OSBPL6: variants seen among roughly 807,000 people sequenced by gnomAD.
OSBPL6 encodes the protein oxysterol-binding protein-related protein 6.
Under a neutral mutation model 125.8 loss-of-function variants are expected in OSBPL6, and 49 were observed. That is an observed-to-expected ratio of 0.39 (90% CI 0.31 to 0.49). The LOEUF (loss-of-function observed/expected upper bound fraction) is 0.49. Ranked by LOEUF, OSBPL6 falls within the 20% of genes least tolerant of loss-of-function variation. OSBPL6 has a pLI of 0.88. For missense variants in OSBPL6, 986 were observed against 1,135.4 expected, an observed-to-expected ratio of 0.87 and a Z score of 1.89; for synonymous variants, 394 against 391.8, an observed-to-expected ratio of 1.01 and a Z score of -0.07.
intron 2 of OSBPL6, among the ~76,000 whole-genome samples, chr2:178,300,152 C>T (rs991731661): frequency 2.6e-5 from 4 of 152,116 alleles, no homozygotes; most frequent in African/African-American, 9.7e-5. Flanking sequence ...TATGACAAAC[C>T]TTATCTTCAC....
chr2:178,296,910 G>T (rs1340326941), intron 2 of OSBPL6, among the ~76,000 whole-genome samples: 15 of 152,154 alleles, frequency 9.9e-5, no homozygotes, highest in Admixed American at 9.8e-4. Context: ...TGATATGTGG[G>T]TAATGGCTTG....
chr2:178,317,250 G>A (rs1159105209), intron 3 of OSBPL6, among the ~76,000 whole-genome samples: 4 of 150,956 alleles, frequency 2.6e-5, no homozygotes, highest in East Asian at 1.9e-4. Flanking sequence ...ACCCTACCTC[G>A]ATAAGAATAA....
intron 1 of OSBPL6, among the ~76,000 whole-genome samples, chr2:178,211,195 G>A (rs1052692786): frequency 2.0e-5 from 3 of 152,138 alleles, no homozygotes; most frequent in Admixed American, 6.5e-5. Context: ...TGCTTGAGCC[G>A]AGAGTTTGAG....
intron 1 of OSBPL6, among the ~76,000 whole-genome samples, chr2:178,233,423 C>T (rs1327733727): frequency 1.3e-5 from 2 of 152,188 alleles, no homozygotes; most frequent in Non-Finnish European, 2.9e-5. Context: ...TCTGTGTTTG[C>T]TGAGGCTTCT....
chr2:178,313,859 G>A (rs1447830440), intron 3 of OSBPL6, among the ~76,000 whole-genome samples: 1 of 152,154 alleles, frequency 6.6e-6, no homozygotes, highest in Non-Finnish European at 1.5e-5. Context: ...TGTAACCATG[G>A]GATAGTGGCA....
intron 1 of OSBPL6, among the ~76,000 whole-genome samples, chr2:178,201,842 GCCTGACAGTGTTCCCATGA>G (rs1235921710): frequency 6.6e-6 from 1 of 152,216 alleles, no homozygotes; most frequent in Non-Finnish European, 1.5e-5. Context: ...TGAGAAGTGT[GCCTGACAGTGTTCCCATGA>G]CCATTCTTAC....
intron 1 of OSBPL6, among the ~76,000 whole-genome samples, chr2:178,269,062 G>C (rs976547736): frequency 6.6e-6 from 1 of 152,156 alleles, no homozygotes; most frequent in Non-Finnish European, 1.5e-5. Flanking sequence ...TTGTTCTCCT[G>C]TGTGTCAGTA....
At chr2:178,242,463 C>T (rs906941413) in intron 1 of OSBPL6, among the ~76,000 whole-genome samples, 4 of 152,150 alleles carry the variant, frequency 2.6e-5, no homozygotes, top group African/African-American at 9.7e-5. Context: ...ATGTGGATGA[C>T]GTCATCTTTG....
chr2:178,402,401 A>G lies in OSBPL6; in HGVS notation c.*6842A>G, dbSNP rs973349468. On this transcript the variant is annotated 3_prime_UTR_variant, in exon 25 of 25. Transcript: ENST00000190611. ...TTCCATTCTCTCTTAGGCTTTGTCT[A>G]TGTCTCTAAGGGGAGTTTTTCAGTT... 3 of 152,156 alleles carry G rather than the reference A, an allele frequency of 2.0e-5. No individual in the cohort carries two copies. The highest frequency in any genetic ancestry group is 6.5e-5 in the Admixed American group (1 of 15,276). The allele number at this position is 152,156 out of a possible 1,614,324, so 9.4% of individuals were successfully genotyped here.
chr2:178,218,583 T>G (rs1230392587), intron 1 of OSBPL6, among the ~76,000 whole-genome samples: 1 of 151,712 alleles, frequency 6.6e-6, no homozygotes, highest in Non-Finnish European at 1.5e-5. Context: ...AACTTCTTCC[T>G]CTTTTACTGA....
At chr2:178,277,801 G>T (rs757492040) in intron 1 of OSBPL6, among the ~76,000 whole-genome samples, 3 of 152,112 alleles carry the variant, frequency 2.0e-5, no homozygotes, top group Non-Finnish European at 2.9e-5. Flanking sequence ...CTCCCAGGTT[G>T]CTTCATCCTC....
chr2:178,338,728 G>T (rs565517259), intron 9 of OSBPL6, among the ~76,000 whole-genome samples: 1 of 152,128 alleles, frequency 6.6e-6, no homozygotes, highest in Non-Finnish European at 1.5e-5. Flanking sequence ...GAGCAGAAAA[G>T]GGATCACATA....
rs1696049998 is a variant in OSBPL6, at chr2:178,399,779, A to G, written c.*4220A>G. ...TTTACACTGTGTCATTGTTTGTAAA[A>G]TATACAGTATTTATGTACAGTTTCA... On this transcript the variant is annotated 3_prime_UTR_variant, in exon 25 of 25. Transcript: ENST00000190611. 1 of 152,250 alleles carries G rather than the reference A, an allele frequency of 6.6e-6. No homozygotes were observed. Among genetic ancestry groups the G allele is most frequent in the Admixed American group, 6.5e-5 (1 of 15,282 alleles). The allele number at this position is 152,250 out of a possible 1,614,324, so 9.4% of individuals were successfully genotyped here. A position where few individuals can be genotyped will look rare whatever the true frequency, so the allele number is the denominator to read the frequency against.
At chr2:178,314,166 T>A (rs1687538678) in intron 3 of OSBPL6, among the ~76,000 whole-genome samples, 1 of 152,246 alleles carries the variant, frequency 6.6e-6, no homozygotes, top group African/African-American at 2.4e-5. Context: ...TCAAATCTTC[T>A]AAATAGGAAA....
intron 11 of OSBPL6, among the ~76,000 whole-genome samples, chr2:178,343,424 G>T (rs1690403778): frequency 6.6e-6 from 1 of 152,008 alleles, no homozygotes; most frequent in Non-Finnish European, 1.5e-5. Flanking sequence ...CAACCTTGAG[G>T]TGTCAGGGTC....
chr2:178,287,540 A>C (rs1342803310), intron 2 of OSBPL6, among the ~76,000 whole-genome samples: 1 of 152,320 alleles, frequency 6.6e-6, no homozygotes, highest in Non-Finnish European at 1.5e-5. Context: ...AAGTTCATGG[A>C]AATAAAGTAC....
At chr2:178,393,409 T>C (rs1446967265) in intron 23 of OSBPL6, among the ~76,000 whole-genome samples, 2 of 152,242 alleles carry the variant, frequency 1.3e-5, no homozygotes, top group Admixed American at 1.3e-4. Flanking sequence ...TCCATTCCTA[T>C]GGAATTCATT....
intron 1 of OSBPL6, among the ~76,000 whole-genome samples, chr2:178,216,744 T>C (rs2090109543): frequency 6.6e-6 from 1 of 152,218 alleles, no homozygotes. Flanking sequence ...ATGTTGACTT[T>C]ATATTTTTTT....
At chr2:178,319,052 G>C (rs1327325372) in intron 3 of OSBPL6, among the ~76,000 whole-genome samples, 1 of 152,130 alleles carries the variant, frequency 6.6e-6, no homozygotes, top group African/African-American at 2.4e-5. Flanking sequence ...GTTGAAAGAG[G>C]TTAATGGTTT....
Sources: allele counts gnomAD v4.1 joint callset (sites outside exome capture counted in the v4.1 genomes callset), GRCh38; gene constraint gnomAD v4.1.1; transcripts MANE v1.5; gene names NCBI Gene and HGNC (gene_info 2026-07-23, HGNC 2026-07-21).